The following PLEKHN1 variants were observed in gnomAD, a reference collection of about 807,000 sequenced individuals.
The protein encoded by PLEKHN1 is pleckstrin homology domain containing N1, also known as pleckstrin homology domain-containing family N member 1.
A neutral mutation model predicts 72.8 loss-of-function variants in PLEKHN1; 68 were observed. That is an observed-to-expected ratio of 0.93 (90% CI 0.77 to 1.14). The LOEUF is 1.14. Among genes scored for constraint, PLEKHN1 ranks in the 50% most tolerant of loss-of-function variants. The pLI is 0.00. For missense variants in PLEKHN1, 1,015 were observed against 840.5 expected, an observed-to-expected ratio of 1.21 and a Z score of -2.57; for synonymous variants, 454 against 371.6, an observed-to-expected ratio of 1.22 and a Z score of -2.55.
In PLEKHN1 at chr1:973,753, C is replaced by G. The variant is rs1643465687; in HGVS notation, c.1435-80C>G. On this transcript the variant is annotated intron_variant, in intron 13 of 15. Transcript: ENST00000379410. ...TCTGGGGCTGCCCCAAGCCTGAGGT[C>G]TGTTCAGGCTCTGATGGGAGGTTGA... is the stretch of plus-strand genomic sequence containing the variant. The G allele has an allele frequency of 1.5e-5, 23 of 1,561,464 alleles. No individual in the cohort carries two copies. In the South Asian group the frequency reaches 2.6e-4, roughly 18 times the overall value.
Position 970,139 on chromosome 1 carries a change from T to C in PLEKHN1, c.184-138T>C. 5.2e-6 allele frequency: 4 copies of C among 772,094 alleles called. No individual in the cohort carries two copies. The highest frequency in any genetic ancestry group is 6.0e-6 in the Non-Finnish European group (3 of 498,144). The allele number at this position is 772,094 out of a possible 1,614,324, so 47.8% of individuals were successfully genotyped here. On this transcript the variant is annotated intron_variant, in intron 2 of 15. Transcript: ENST00000379410. The surrounding 1 kb of genome is among the most constrained non-coding windows in gnomAD (Gnocchi z 4.2). ...TGGCTGTGCACAGGTTCTGTGCCTGTGGGGGGCTGTTCTTCACATATGTGT... is the reference window on the plus strand; with the variant it reads ...TGGCTGTGCACAGGTTCTGTGCCTGCGGGGGGCTGTTCTTCACATATGTGT...
chr1:970,699 T>A lies in PLEKHN1; in HGVS notation c.425T>A (p.Leu142Gln), dbSNP rs961881103. ...EGLTFQGLLP[L>Q]TELSVCPLEG... ...TGTGCCTGGCAGGGGCTGTTACCGC[T>A]GACGGAGCTGAGTGTCTGCCCGCTC... The change falls in exon 5 of 16, where the codon CTG (leucine) becomes CAG (glutamine). Residue 142 changes from leucine to glutamine, a missense_variant. Coordinates refer to ENST00000379410, the MANE Select transcript of PLEKHN1 (RefSeq NM_032129.3). This position sits in a 1 kb window ranked among gnomAD's most constrained non-coding sequence, Gnocchi z 4.2. The A allele has an allele frequency of 6.3e-7, 1 of 1,596,486 alleles. No homozygotes were observed. Among genetic ancestry groups the A allele is most frequent in the African/African-American group, 1.3e-5 (1 of 74,688 alleles).
chr1:974,326 C>A lies in PLEKHN1; in HGVS notation c.1664C>A (p.Ala555Asp). 3 of 1,612,926 alleles carry A rather than the reference C, an allele frequency of 1.9e-6. No homozygotes were observed. The highest frequency in any genetic ancestry group is 2.5e-6 in the Non-Finnish European group (3 of 1,179,986). The change falls in exon 15 of 16, where the codon GCC (alanine) becomes GAC (aspartate). Residue 555 changes from alanine to aspartate, a missense_variant. By Grantham distance (126) the Ala-to-Asp change is moderately radical. Transcript: ENST00000379410. ...PPDAPQLVSS[A>D]REGSPEPWLP... ...GGTTTGGGGTTCCAGGTCTCCTCTG[C>A]CAGGGAAGGTTCGCCCGAACCCTGG... is the stretch of plus-strand genomic sequence containing the variant.
rs761088113 is a variant in PLEKHN1 at position 971,336 on chromosome 1, C to G, written c.721C>G (p.Arg241Gly). The G allele has an allele frequency of 6.3e-7, 1 of 1,581,598 alleles. No individual in the cohort carries two copies. The highest frequency in any genetic ancestry group is 1.8e-5 in the Admixed American group (1 of 56,824). ...CCCACCCACCCAGGAGCAGTGGGACCGGCTCTTGGTCCTGTACCCAACGTC... is the reference window on the plus strand; with the variant it reads ...CCCACCCACCCAGGAGCAGTGGGACGGGCTCTTGGTCCTGTACCCAACGTC... Reference protein sequence around the residue: ...QHLPAQEQWDRLLVLYPTSLA... With the variant: ...QHLPAQEQWDGLLVLYPTSLA... Residue 241 changes from arginine (R) to glycine (G), a missense_variant, in exon 8 of 16, where the codon CGG becomes GGG. Physicochemically the swap from Arg to Gly is moderately radical, Grantham distance 125 (BLOSUM62 -2). Coordinates refer to ENST00000379410, the MANE Select transcript of PLEKHN1 (RefSeq NM_032129.3).
rs201291083 is a variant in PLEKHN1 at position 970,496 on chromosome 1, A to G, written c.331-25A>G. ...CAGCCTGGGGCTCCCCAGACTCCGC[A>G]CTGACGACCCTGCTCCCCGCGCAGG... On this transcript the variant is annotated intron_variant, in intron 3 of 15. Transcript: ENST00000379410. This position sits in a 1 kb window ranked among gnomAD's most constrained non-coding sequence, Gnocchi z 4.2. 1 of 1,612,994 alleles carries G rather than the reference A, an allele frequency of 6.2e-7. No individual in the cohort carries two copies. Among genetic ancestry groups the G allele is most frequent in the East Asian group, 2.2e-5 (1 of 44,860 alleles).
At chr1:971,286 A>G (rs1164594153) in intron 7 of PLEKHN1, 38 bp from the exon 8 acceptor site, 2 of 1,556,158 alleles carry the variant, frequency 1.3e-6, no homozygotes, top group Non-Finnish European at 1.7e-6. Context: ...ACAGCAGCTC[A>G]GTTCCCTCAT....
chr1:972,186 C>G (rs745788120), intron 9 of PLEKHN1, 36 bp downstream of exon 9: 15 of 1,609,482 alleles, frequency 9.3e-6, no homozygotes, highest in African/African-American at 1.3e-5. Context: ...TCCCGCCTGG[C>G]CAGGCCATGG....
Position 975,719 on chromosome 1 carries a change from GC to G in PLEKHN1, c.*1146del, listed in dbSNP as rs1643575203. 1 of 161,684 alleles carries G rather than the reference GC, an allele frequency of 6.2e-6. No individual in the cohort carries two copies. Among genetic ancestry groups the G allele is most frequent in the East Asian group, 1.9e-4 (1 of 5,328 alleles). The allele number at this position is 161,684 out of a possible 1,614,324, so 10.0% of individuals were successfully genotyped here. A position where few individuals can be genotyped will look rare whatever the true frequency, so the allele number is the denominator to read the frequency against. On this transcript the variant is annotated 3_prime_UTR_variant, in exon 16 of 16. Coordinates refer to ENST00000379410, the MANE Select transcript of PLEKHN1 (RefSeq NM_032129.3). ...TCCCCTGCCTCTGCCCAGAGCTCCA[GC>G]CGGAGTGTCTTGCTGCTCAGACCCC...
At position 974,778 on chromosome 1, in the gene PLEKHN1, C is replaced by G. The variant is rs1359492458; in HGVS notation, c.*203C>G. ...CAGGGAAGGGTGGGAGGGGCCCCAT[C>G]CAAAGGATGCCCTGGCCAGCGAGGC... On this transcript the variant is annotated 3_prime_UTR_variant, in exon 16 of 16. Coordinates refer to ENST00000379410, the MANE Select transcript of PLEKHN1 (RefSeq NM_032129.3). 4.3e-6 allele frequency: 3 copies of G among 695,766 alleles called. No individual in the cohort carries two copies. The South Asian group carries it at 6.0e-5, about 14-fold the overall frequency. 43.1% of individuals were successfully genotyped at this position (695,766 alleles called of 1,614,324 possible). A position where few individuals can be genotyped will look rare whatever the true frequency, so the allele number is the denominator to read the frequency against.
Position 970,263 on chromosome 1 carries a change from T to C in PLEKHN1, c.184-14T>C. On this transcript the variant is annotated splice_polypyrimidine_tract_variant and intron_variant, in intron 2 of 15. Transcript: ENST00000379410. The surrounding 1 kb of genome is among the most constrained non-coding windows in gnomAD (Gnocchi z 4.2). The stretch of plus-strand genomic sequence containing the variant: ...CCAGGGGAGGCCCCCTCCCCTGAGC[T>C]CTACTCCTCCTAGGACATCCTGGAC... The C allele has an allele frequency of 6.2e-7, 1 of 1,611,990 alleles. No homozygotes were observed. The highest frequency in any genetic ancestry group is 1.1e-5 in the South Asian group (1 of 91,052).
Position 971,000 on chromosome 1 carries a change from C to A in PLEKHN1, c.606C>A (p.Pro202=), listed in dbSNP as rs767221807. Residue 202 remains proline, a synonymous_variant, in exon 6 of 16, where the codon CCC becomes CCA. Coordinates refer to ENST00000379410, the MANE Select transcript of PLEKHN1 (RefSeq NM_032129.3). This position sits in a 1 kb window ranked among gnomAD's most constrained non-coding sequence, Gnocchi z 4.2. ...LGGPRRCHSA[P]PQRRLTRLRT... is the part of the protein sequence containing the mutation. ...GGCCGCGGCGCTGCCACTCGGCACC[C>A]CCACAGGTCAGTGCCGGGGACCCCA... The A allele has an allele frequency of 2.9e-5, 46 of 1,603,522 alleles. No individual in the cohort carries two copies. Among genetic ancestry groups the A allele is most frequent in the Non-Finnish European group, 3.6e-5 (42 of 1,175,604 alleles).
chr1:971,176 T>G lies in PLEKHN1; in HGVS notation c.676T>G (p.Ser226Ala), dbSNP rs749850650. 2.8e-5 allele frequency: 44 copies of G among 1,595,874 alleles called. No homozygotes were observed. The highest frequency in any genetic ancestry group is 3.7e-5 in the Non-Finnish European group (43 of 1,172,244). Reference protein sequence around the residue: ...HEPGGSAVCASRVKLQHLPAQ... With the variant: ...HEPGGSAVCAARVKLQHLPAQ... ...ACCCGGCGGCAGTGCTGTCTGTGCCTCGAGGGTCAAGCTGCAGCACCTGCC... is the reference window on the plus strand; with the variant it reads ...ACCCGGCGGCAGTGCTGTCTGTGCCGCGAGGGTCAAGCTGCAGCACCTGCC... The change falls in exon 7 of 16, where the codon TCG becomes GCG. Residue 226 changes from serine to alanine, a missense_variant. By Grantham distance (99) the Ser-to-Ala change is moderately conservative. Transcript: ENST00000379410.
rs760346489 is a variant in PLEKHN1, at chr1:974,607, C to T, written c.*32C>T. ...CGGTGAGGTGGGTTCTCAGGACCAC[C>T]CTCGCCAAGCTCCAGGGTACCTGCC... On this transcript the variant is annotated 3_prime_UTR_variant, in exon 16 of 16. Coordinates refer to ENST00000379410, the MANE Select transcript of PLEKHN1 (RefSeq NM_032129.3). The T allele has an allele frequency of 3.1e-6, 5 of 1,587,362 alleles. No homozygotes were observed. The South Asian group carries it at 3.4e-5, about 11-fold the overall frequency.
rs753256992 is a variant in PLEKHN1, at chr1:970,505, C to T, written c.331-16C>T. On this transcript the variant is annotated splice_polypyrimidine_tract_variant and intron_variant, in intron 3 of 15. Transcript: ENST00000379410. The surrounding 1 kb of genome is among the most constrained non-coding windows in gnomAD (Gnocchi z 4.2). The stretch of plus-strand genomic sequence containing the variant: ...GCTCCCCAGACTCCGCACTGACGAC[C>T]CTGCTCCCCGCGCAGGATGTCAGCG... 5.0e-6 allele frequency: 8 copies of T among 1,612,996 alleles called. No homozygotes were observed. The highest frequency in any genetic ancestry group is 4.2e-6 in the Non-Finnish European group (5 of 1,179,970).
intron 2 of PLEKHN1, among the ~76,000 whole-genome samples, chr1:969,520 GTA>G (rs1164342286): frequency 2.6e-5 from 4 of 152,190 alleles, no homozygotes; most frequent in Non-Finnish European, 4.4e-5. Flanking sequence ...GTGTGCATGT[GTA>G]TGTGTGCACG....
In PLEKHN1 at chr1:972,934, C is replaced by T; in HGVS notation, c.1076C>T (p.Pro359Leu). 1 of 1,564,320 alleles carries T rather than the reference C, an allele frequency of 6.4e-7. No individual in the cohort carries two copies. The highest frequency in any genetic ancestry group is 1.2e-5 in the South Asian group (1 of 85,602). Residue 359 changes from proline to leucine, a missense_variant, in exon 11 of 16, where the codon CCC (proline) becomes CTC (leucine). Coordinates refer to ENST00000379410, the MANE Select transcript of PLEKHN1 (RefSeq NM_032129.3). ...TGGGACTCGGGGTGCTTGGCGCCCCCCTCCACCCGCACCAGCCACTCCCTG... is the reference window on the plus strand; with the variant it reads ...TGGGACTCGGGGTGCTTGGCGCCCCTCTCCACCCGCACCAGCCACTCCCTG... The part of the protein sequence containing the change: ...TSWDSGCLAP[P>L]STRTSHSLPE...
chr1:972,871 G>C lies in PLEKHN1; in HGVS notation c.1013G>C (p.Ser338Thr). Residue 338 changes from serine (S) to threonine (T), a missense_variant, in exon 11 of 16, where the codon AGT (serine) becomes ACT (threonine). By Grantham distance (58) the Ser-to-Thr change is moderately conservative (BLOSUM62 1). Transcript: ENST00000379410. ...TCACTGCCCATCCAGGTTATGGGCA[G>C]TGGCCGAGGCTCACTCTCCTCAGGC... ...ESFPGSQVMG[S>T]GRGSLSSGGQ... 6.4e-7 allele frequency: 1 copy of C among 1,553,038 alleles called. No homozygotes were observed. The highest frequency in any genetic ancestry group is 1.9e-5 in the Admixed American group (1 of 51,682).
Position 973,246 on chromosome 1 carries a change from G to C in PLEKHN1, c.1213G>C (p.Gly405Arg). Residue 405 changes from glycine to arginine, a missense_variant, in exon 12 of 16, where the codon GGC becomes CGC. Gly to Arg is a moderately radical substitution (Grantham distance 125). Transcript: ENST00000379410. ...GRRRTELRRS[G>R]SSRSPGSKAR... ...ACGGAGGACCGAGCTGAGACGCAGT[G>C]GCAGCAGCCGGTCACCCGGGAGCAA... is the stretch of plus-strand genomic sequence containing the variant. The C allele has an allele frequency of 6.5e-7, 1 of 1,542,938 alleles. No homozygotes were observed. Among genetic ancestry groups the C allele is most frequent in the Middle Eastern group, 1.8e-4 (1 of 5,650 alleles).
chr1:967,866 G>C (rs1254518000), intron 2 of PLEKHN1, among the ~76,000 whole-genome samples: 3 of 152,194 alleles, frequency 2.0e-5, no homozygotes, highest in African/African-American at 7.2e-5. Flanking sequence ...GGTCCTATGA[G>C]GTGTGGTGGG....
Sources: allele counts gnomAD v4.1 joint callset (sites outside exome capture counted in the v4.1 genomes callset), GRCh38; gene constraint gnomAD v4.1.1; non-coding constraint Gnocchi (gnomAD v3.1); transcripts MANE v1.5; gene names NCBI Gene and HGNC (gene_info 2026-07-23, HGNC 2026-07-21).